Variants in ALKAL1 observed in about 807,000 individuals in gnomAD.
ALKAL1 encodes ALK and LTK ligand 1.
Under a neutral mutation model 13.5 loss-of-function variants are expected in ALKAL1, and 23 were observed. That is an observed-to-expected ratio of 1.70 (90% CI 1.23 to 2.41). The LOEUF is 2.41. ALKAL1 is among the 30% of genes most tolerant of loss of function. The probability of loss-of-function intolerance (pLI) is 0.00; values close to 1 mark genes in which losing one functional copy is unlikely to be tolerated. For missense variants in ALKAL1, 181 were observed against 178.4 expected (o/e 1.01, Z -0.08); for synonymous variants, 85 against 77.7 (o/e 1.09, Z -0.49).
At chr8:52,547,975 T>A (rs758393163) in intron 1 of ALKAL1, among the ~76,000 whole-genome samples, 2 of 152,242 alleles carry the variant, frequency 1.3e-5, no homozygotes, top group Non-Finnish European at 2.9e-5. Flanking sequence ...ATTCAGCACA[T>A]CTCAGTTTGA....
intron 3 of ALKAL1, 81 bp downstream of exon 3, chr8:52,539,750 C>T (rs1847294651): frequency 9.7e-7 from 1 of 1,032,508 alleles, no homozygotes; most frequent in East Asian, 2.4e-5. Context: ...CTACTTCCCA[C>T]CCACAGACAT....
chr8:52,555,474 A>C (rs1183028948), intron 1 of ALKAL1, among the ~76,000 whole-genome samples: 1 of 152,186 alleles, frequency 6.6e-6, no homozygotes, highest in Non-Finnish European at 1.5e-5. Flanking sequence ...GTCAAGATTG[A>C]GATTCTGTAG....
chr8:52,556,344 G>T (rs769010806), intron 1 of ALKAL1, among the ~76,000 whole-genome samples: 2 of 152,098 alleles, frequency 1.3e-5, no homozygotes, highest in Non-Finnish European at 2.9e-5. Context: ...AATATGTATG[G>T]GTTTAGAAGA....
chr8:52,534,955 G>A (rs994296738), intron 4 of ALKAL1, among the ~76,000 whole-genome samples: 1 of 152,088 alleles, frequency 6.6e-6, no homozygotes, highest in African/African-American at 2.4e-5. Context: ...TACTATCACA[G>A]ATAACTCCTA....
At chr8:52,552,049 G>A (rs1300058272) in intron 1 of ALKAL1, among the ~76,000 whole-genome samples, 1 of 152,048 alleles carries the variant, frequency 6.6e-6, no homozygotes, top group African/African-American at 2.4e-5. Flanking sequence ...TTTCCTTGAT[G>A]TCCTTTTTTG....
chr8:52,546,033 G>T (rs1042731100), intron 1 of ALKAL1, among the ~76,000 whole-genome samples: 1 of 152,188 alleles, frequency 6.6e-6, no homozygotes, highest in Admixed American at 6.5e-5. Flanking sequence ...TAACACCATG[G>T]TGAGTATTTG....
At chr8:52,561,130 A>C (rs1847546143) in intron 1 of ALKAL1, among the ~76,000 whole-genome samples, 1 of 152,068 alleles carries the variant, frequency 6.6e-6, no homozygotes, top group Non-Finnish European at 1.5e-5. Flanking sequence ...AAGCAGCAAA[A>C]ATTTTTTATT....
At chr8:52,551,092 C>T (rs568139308) in intron 1 of ALKAL1, among the ~76,000 whole-genome samples, 166 of 151,758 alleles carry the variant, frequency 1.1e-3, no homozygotes, top group African/African-American at 3.8e-3. Context: ...ATGATTTAAC[C>T]AAGACATCAA....
chr8:52,544,368 T>C (rs180872126), intron 1 of ALKAL1, among the ~76,000 whole-genome samples: 5 of 152,084 alleles, frequency 3.3e-5, no homozygotes, highest in Admixed American at 1.3e-4. Context: ...AAGCCAGAGA[T>C]AAGAAGGTAA....
rs531472279 is a variant in ALKAL1 at position 52,563,212 on chromosome 8, G to T, written c.190+1855C>A. On this transcript the variant is annotated intron_variant, in intron 1 of 4. Coordinates refer to ENST00000358543, the MANE Select transcript of ALKAL1 (RefSeq NM_207413.4). ...GCAGGCAGATCACTTGAGGTCAGGA[G>T]TTCGAGACCAGCCTAGCGCAACATG... Among the ~76,000 whole-genome samples the T allele has an allele frequency of 2.7e-4, 41 of 152,282 alleles. No individual in the cohort carries two copies. The South Asian group carries it at 7.0e-3, about 26-fold the overall frequency.
intron 4 of ALKAL1, among the ~76,000 whole-genome samples, chr8:52,536,421 T>C (rs1249829464): frequency 1.3e-5 from 2 of 152,240 alleles, no homozygotes; most frequent in Non-Finnish European, 2.9e-5. Context: ...GTATAGATTC[T>C]ACTTTTTTAA....
chr8:52,542,387 C>T lies in ALKAL1; in HGVS notation c.244+5G>A, dbSNP rs1251508510. ...AATGGAATCACTGATACATTTTGTA[C>T]TTACCTGTGAAATGCTTTATGAATT... On this transcript the variant is annotated splice_donor_5th_base_variant and intron_variant, in intron 2 of 4. Transcript: ENST00000358543. The T allele has an allele frequency of 3.9e-6, 6 of 1,521,172 alleles. No individual in the cohort carries two copies. The highest frequency in any genetic ancestry group is 5.4e-6 in the Non-Finnish European group (6 of 1,102,590). 94.2% of individuals were successfully genotyped at this position (1,521,172 alleles called of 1,614,324 possible).
intron 3 of ALKAL1, 21 bp downstream of exon 3, chr8:52,539,810 A>AG (rs747863183): frequency 1.3e-6 from 2 of 1,565,530 alleles, no homozygotes; most frequent in Non-Finnish European, 1.7e-6. Flanking sequence ...AAAAAAAAAA[A>AG]AACCCACCCA....
chr8:52,564,839 A>T (rs1326733729), intron 1 of ALKAL1, among the ~76,000 whole-genome samples: 1 of 152,232 alleles, frequency 6.6e-6, no homozygotes, highest in Non-Finnish European at 1.5e-5. Flanking sequence ...GGGAAGGGAC[A>T]TAGAAAGCTG....
chr8:52,559,760 T>C (rs985146411), intron 1 of ALKAL1, among the ~76,000 whole-genome samples: 1 of 152,186 alleles, frequency 6.6e-6, no homozygotes, highest in Admixed American at 6.5e-5. Flanking sequence ...AAAAGTTAGC[T>C]TATGCCTCAT....
At chr8:52,554,284 T>C (rs746983586) in intron 1 of ALKAL1, among the ~76,000 whole-genome samples, 3 of 152,208 alleles carry the variant, frequency 2.0e-5, no homozygotes, top group African/African-American at 4.8e-5. Context: ...TTTCACACCG[T>C]GATAAGATTT....
intron 1 of ALKAL1, among the ~76,000 whole-genome samples, chr8:52,558,968 G>C (rs1009532583): frequency 6.6e-6 from 1 of 152,110 alleles, no homozygotes; most frequent in Admixed American, 6.5e-5. Flanking sequence ...AAGGGGAGCC[G>C]CTGTGTGCAG....
At chr8:52,534,704 A>C in intron 4 of ALKAL1, 104 bp from the exon 5 acceptor site, 1 of 453,688 alleles carries the variant, frequency 2.2e-6, no homozygotes, top group Non-Finnish European at 3.9e-6. Context: ...GACTCTGTGG[A>C]CTCCTAATTT....
In ALKAL1 at chr8:52,565,427, C is replaced by A; in HGVS notation, c.-171G>T. The A allele has an allele frequency of 2.3e-6, 1 of 439,390 alleles. No homozygotes were observed. Among genetic ancestry groups the A allele is most frequent in the Non-Finnish European group, 3.8e-6 (1 of 261,452 alleles). The allele number at this position is 439,390 out of a possible 1,614,324, so 27.2% of individuals were successfully genotyped here. ...ACGTCCCGGGGGTCGGCTGGAGCTG[C>A]ACTGGGACTCGGTCCTCAGTGTGCC... On this transcript the variant is annotated 5_prime_UTR_variant, in exon 1 of 5. Transcript: ENST00000358543.
Sources: allele counts gnomAD v4.1 joint callset (sites outside exome capture counted in the v4.1 genomes callset), GRCh38; gene constraint gnomAD v4.1.1; transcripts MANE v1.5; gene names NCBI Gene and HGNC (gene_info 2026-07-23, HGNC 2026-07-21).